Variants in MLLT3 observed in about 807,000 individuals in gnomAD.
MLLT3 encodes MLLT3 super elongation complex subunit, also known as protein AF-9.
MLLT3 carries 4 observed loss-of-function variants against 53.2 expected under a neutral mutation model. The observed-to-expected ratio is 0.08, with a 90% CI of 0.04 to 0.17. MLLT3 has a LOEUF of 0.17. MLLT3 is among the 10% of genes least tolerant of loss of function. The probability of loss-of-function intolerance (pLI) is 1.00; values close to 1 mark genes in which losing one functional copy is unlikely to be tolerated. For missense variants in MLLT3, 569 were observed against 684.0 expected, an observed-to-expected ratio of 0.83 and a Z score of 1.87; for synonymous variants, 283 against 230.6, an observed-to-expected ratio of 1.23 and a Z score of -2.06.
At chr9:20,411,296 G>A (rs1822722412) in intron 5 of MLLT3, 2 of 153,468 alleles carry the variant, frequency 1.3e-5, no homozygotes. Context: ...TCCAAACAAA[G>A]CCTGTCTTTT....
At chr9:20,354,957 C>A (rs1821133305) in intron 8 of MLLT3, 78 bp from the exon 9 acceptor site, 1 of 932,878 alleles carries the variant, frequency 1.1e-6, no homozygotes, top group South Asian at 1.3e-5. Flanking sequence ...ACAAAGGCAT[C>A]CACTGAATGA....
At chr9:20,611,192 T>C (rs1820693445) in intron 2 of MLLT3, among the ~76,000 whole-genome samples, 1 of 152,082 alleles carries the variant, frequency 6.6e-6, no homozygotes, top group Non-Finnish European at 1.5e-5. Flanking sequence ...AATGAATAGA[T>C]ACCTGGAATA....
chr9:20,435,756 C>T (rs1157163973), intron 4 of MLLT3, among the ~76,000 whole-genome samples: 1 of 152,146 alleles, frequency 6.6e-6, no homozygotes, highest in African/African-American at 2.4e-5. Flanking sequence ...GTATAGGGAA[C>T]TTCAATCTAT....
At chr9:20,476,124 G>A (rs560960055) in intron 2 of MLLT3, among the ~76,000 whole-genome samples, 112 of 151,820 alleles carry the variant, frequency 7.4e-4, no homozygotes, top group Non-Finnish European at 1.4e-3. Flanking sequence ...GTGCAGTCAC[G>A]CAATCATAGT....
chr9:20,527,248 C>T (rs1412657838), intron 2 of MLLT3, among the ~76,000 whole-genome samples: 1 of 152,076 alleles, frequency 6.6e-6, no homozygotes, highest in Non-Finnish European at 1.5e-5. Context: ...AAATTTAATA[C>T]ATTTATCAGG....
At chr9:20,363,685 A>G in intron 6 of MLLT3, 80 bp from the exon 7 acceptor site, 1 of 1,381,652 alleles carries the variant, frequency 7.2e-7, no homozygotes, top group Non-Finnish European at 1.0e-6. Flanking sequence ...GGGGATGCTT[A>G]CCAGCACTGA....
chr9:20,471,151 T>C (rs767968028), intron 2 of MLLT3, among the ~76,000 whole-genome samples: 10 of 152,080 alleles, frequency 6.6e-5, no homozygotes, highest in Non-Finnish European at 1.5e-4. Flanking sequence ...TTCCTAGCAT[T>C]CAATCAATAG....
chr9:20,591,779 A>T (rs747224981), intron 2 of MLLT3, among the ~76,000 whole-genome samples: 20 of 152,370 alleles, frequency 1.3e-4, no homozygotes, highest in Non-Finnish European at 2.8e-4. Flanking sequence ...TGTGACAACC[A>T]TGTGAAAGAT....
chr9:20,424,561 A>G (rs1381584457), intron 4 of MLLT3, among the ~76,000 whole-genome samples: 1 of 152,202 alleles, frequency 6.6e-6, no homozygotes, highest in East Asian at 1.9e-4. Context: ...AAGGGCCCCT[A>G]TAGGCTGTCA....
chr9:20,373,748 C>T (rs1821681179), intron 5 of MLLT3, among the ~76,000 whole-genome samples: 1 of 152,116 alleles, frequency 6.6e-6, no homozygotes, highest in African/African-American at 2.4e-5. Context: ...ATGTAAACCT[C>T]ACCTAGAAAA....
intron 6 of MLLT3, among the ~76,000 whole-genome samples, chr9:20,364,810 A>G (rs774780874): frequency 6.6e-6 from 1 of 152,246 alleles, no homozygotes; most frequent in Non-Finnish European, 1.5e-5. Flanking sequence ...ATGCTAAAAC[A>G]CAAATTCTAC....
chr9:20,408,919 T>A (rs559335244), intron 5 of MLLT3, among the ~76,000 whole-genome samples: 1 of 152,238 alleles, frequency 6.6e-6, no homozygotes, highest in East Asian at 1.9e-4. Context: ...GTAAGGTGAT[T>A]TAAAGCATTT....
Position 20,424,324 on chromosome 9 carries a change from T to C in MLLT3, c.421-9899A>G, listed in dbSNP as rs189539508. Among the ~76,000 whole-genome samples the C allele has an allele frequency of 5.3e-5, 8 of 152,308 alleles. No individual in the cohort carries two copies. In the Middle Eastern group the frequency reaches 0.014, roughly 259 times the overall value. The stretch of plus-strand genomic sequence containing the variant: ...TAGAGTTGTGTTCAGAGGGCTCTTG[T>C]GATACTGAGAAAAATCACCCTCTCC... On this transcript the variant is annotated intron_variant, in intron 4 of 10. Coordinates refer to ENST00000380338, the MANE Select transcript of MLLT3 (RefSeq NM_004529.4).
intron 2 of MLLT3, chr9:20,533,170 C>A: frequency 3.5e-6 from 1 of 287,450 alleles, no homozygotes; most frequent in Non-Finnish European, 6.9e-6. Context: ...CACCTTTACA[C>A]AGGTTAACTT....
intron 2 of MLLT3, among the ~76,000 whole-genome samples, chr9:20,479,436 T>A (rs1824608484): frequency 1.3e-5 from 2 of 152,176 alleles, no homozygotes; most frequent in Non-Finnish European, 2.9e-5. Context: ...AATGGGTGAT[T>A]TCCTTTCCTT....
intron 2 of MLLT3, among the ~76,000 whole-genome samples, chr9:20,538,049 T>C (rs1358281712): frequency 6.6e-6 from 1 of 152,192 alleles, no homozygotes; most frequent in East Asian, 1.9e-4. Flanking sequence ...AAGTCTCCCA[T>C]TATACCATCT....
At chr9:20,529,905 G>A (rs1325663291) in intron 2 of MLLT3, among the ~76,000 whole-genome samples, 1 of 151,876 alleles carries the variant, frequency 6.6e-6, no homozygotes, top group East Asian at 1.9e-4. Context: ...CACAAACTGA[G>A]GGTTTTATTT....
At chr9:20,398,854 G>A (rs1439581792) in intron 5 of MLLT3, among the ~76,000 whole-genome samples, 2 of 151,936 alleles carry the variant, frequency 1.3e-5, no homozygotes, top group Non-Finnish European at 2.9e-5. Context: ...TGCTGCCCCT[G>A]TGTTATTTTT....
intron 2 of MLLT3, among the ~76,000 whole-genome samples, chr9:20,616,857 G>A (rs1469374377): frequency 1.3e-5 from 2 of 152,050 alleles, no homozygotes. Flanking sequence ...GTGTACTTGT[G>A]AGAACATATT....
Sources: gnomAD v4.1 joint callset for allele counts (sites outside exome capture counted in the v4.1 genomes callset) on GRCh38, gnomAD v4.1.1 for gene constraint, MANE v1.5 for transcripts, NCBI Gene and HGNC (gene_info 2026-07-23, HGNC 2026-07-21) for gene names.